Variants in POU2F3 observed in about 807,000 individuals in gnomAD.
POU2F3 encodes POU domain, class 2, transcription factor 3.
POU2F3 carries 23 observed loss-of-function variants against 59.2 expected under a neutral mutation model. That is an observed-to-expected ratio of 0.39 (90% confidence interval 0.28 to 0.55). POU2F3 has a LOEUF of 0.55. Among genes scored for constraint, POU2F3 ranks in the 20% least tolerant of loss-of-function variants. The pLI, the probability that POU2F3 is intolerant of heterozygous loss-of-function variation, is 0.66. For synonymous variants in POU2F3, 190 were observed against 214.6 expected (o/e 0.89, Z 1.00); for missense variants, 473 against 544.5 (o/e 0.87, Z 1.31).
At chr11:120,289,655 G>A (rs999857607) in intron 3 of POU2F3, among the ~76,000 whole-genome samples, 6 of 151,976 alleles carry the variant, frequency 3.9e-5, no homozygotes, top group African/African-American at 1.5e-4. Flanking sequence ...GGACAGAGCC[G>A]CTTCTTCCAC....
chr11:120,242,189 G>T (rs189163432), intron 1 of POU2F3, among the ~76,000 whole-genome samples: 39 of 152,328 alleles, frequency 2.6e-4, no homozygotes, highest in South Asian at 2.1e-4. Context: ...CCTCTGTAGT[G>T]TCTGAGGGTT....
intron 3 of POU2F3, among the ~76,000 whole-genome samples, chr11:120,276,462 C>G (rs1445572635): frequency 3.3e-5 from 5 of 151,940 alleles, no homozygotes; most frequent in Non-Finnish European, 5.9e-5. Flanking sequence ...AGGATGAGAA[C>G]TGAGGGCTGA....
chr11:120,276,796 A>G (rs1399494277), intron 3 of POU2F3, among the ~76,000 whole-genome samples: 1 of 152,154 alleles, frequency 6.6e-6, no homozygotes, highest in Non-Finnish European at 1.5e-5. Context: ...CTAAGACCTC[A>G]CTGCAGAATT....
In POU2F3 at chr11:120,253,427, T is replaced by G. The variant is rs141741330; in HGVS notation, c.97+6910T>G. Among the ~76,000 whole-genome samples the G allele has an allele frequency of 6.3e-3, 963 of 152,150 alleles. 12 individuals carry two copies. The highest frequency in any genetic ancestry group is 0.022 in the African/African-American group (900 of 41,500). On this transcript the variant is annotated intron_variant, in intron 2 of 12. Transcript: ENST00000543440. ...GGCATGTGCCACCATGCCTGGCTAA[T>G]TTTTGTATTTTTAGTGGAGACGGAG... is the stretch of plus-strand genomic sequence containing the variant.
chr11:120,291,994 G>T (rs1011050005), intron 3 of POU2F3, among the ~76,000 whole-genome samples: 2 of 152,022 alleles, frequency 1.3e-5, no homozygotes, highest in South Asian at 4.2e-4. Flanking sequence ...ATTTTTAGTA[G>T]AGATGGGGTT....
At chr11:120,294,968 T>C (rs1941149493) in intron 3 of POU2F3, among the ~76,000 whole-genome samples, 1 of 152,042 alleles carries the variant, frequency 6.6e-6, no homozygotes, top group Non-Finnish European at 1.5e-5. Context: ...AAATAAAAAT[T>C]ATAAAAGAGT....
intron 2 of POU2F3, among the ~76,000 whole-genome samples, chr11:120,262,062 C>T (rs1171279875): frequency 6.6e-6 from 1 of 152,226 alleles, no homozygotes; most frequent in African/African-American, 2.4e-5. Context: ...GCTAAGCCTG[C>T]TTCACTTCCA....
intron 2 of POU2F3, among the ~76,000 whole-genome samples, chr11:120,259,631 C>G (rs1445844275): frequency 1.3e-5 from 2 of 152,188 alleles, no homozygotes; most frequent in Non-Finnish European, 2.9e-5. Flanking sequence ...TGCTTTCAGG[C>G]TTCTCCTGGA....
chr11:120,293,255 G>A (rs1440355928), intron 3 of POU2F3, among the ~76,000 whole-genome samples: 4 of 152,136 alleles, frequency 2.6e-5, no homozygotes, highest in Non-Finnish European at 5.9e-5. Context: ...GCACTTCCTA[G>A]AGGCATCTGA....
At chr11:120,236,675 T>C (rs759399705), upstream of POU2F3, 102 of 1,503,732 alleles carry the variant, frequency 6.8e-5, no homozygotes, top group Non-Finnish European at 8.3e-5. Context: ...ACCGGTTTCA[T>C]GGAGTCTCCA....
At chr11:120,278,758 C>T (rs1940439801) in intron 3 of POU2F3, among the ~76,000 whole-genome samples, 1 of 152,106 alleles carries the variant, frequency 6.6e-6, no homozygotes, top group Non-Finnish European at 1.5e-5. Context: ...ACACAAGGGC[C>T]TGTCAGGGGG....
chr11:120,255,428 G>A (rs192503256), intron 2 of POU2F3, among the ~76,000 whole-genome samples: 4 of 152,190 alleles, frequency 2.6e-5, no homozygotes, highest in East Asian at 3.9e-4. Context: ...GGGTCTCGGC[G>A]CCCAATTTGC....
intron 2 of POU2F3, among the ~76,000 whole-genome samples, chr11:120,268,811 T>A (rs536432272): frequency 6.6e-6 from 1 of 152,294 alleles, no homozygotes; most frequent in Non-Finnish European, 1.5e-5. Context: ...AGGGAGTCCT[T>A]TGGGATCCAT....
chr11:120,309,260 A>C (rs1941589381), intron 9 of POU2F3, among the ~76,000 whole-genome samples, 165 bp from the exon 10 acceptor site: 1 of 152,182 alleles, frequency 6.6e-6, no homozygotes, highest in South Asian at 2.1e-4. Flanking sequence ...AAGGTTAAGA[A>C]AGTTTTGTAA....
rs187359452 is a variant in POU2F3, at chr11:120,292,355, A to G, written c.133-5910A>G. Among the ~76,000 whole-genome samples, 99 of 145,618 alleles carry G rather than the reference A, an allele frequency of 6.8e-4. 3 individuals carry two copies. The East Asian group carries it at 0.017, about 26-fold the overall frequency. On this transcript the variant is annotated intron_variant, in intron 3 of 12. Transcript: ENST00000543440. The stretch of plus-strand genomic sequence containing the variant: ...AAGCAGCCCAGGGATATGTTAAAAA[A>G]CAAAAAAAACAAAAACAAAAACAAA...
intron 3 of POU2F3, among the ~76,000 whole-genome samples, chr11:120,272,801 C>T (rs998816477): frequency 6.6e-6 from 1 of 152,194 alleles, no homozygotes; most frequent in Admixed American, 6.5e-5. Context: ...ATAAGATAGA[C>T]TTGAGAGGCA....
At chr11:120,241,234 A>G (rs1938649409) in intron 1 of POU2F3, among the ~76,000 whole-genome samples, 1 of 152,206 alleles carries the variant, frequency 6.6e-6, no homozygotes, top group Non-Finnish European at 1.5e-5. Flanking sequence ...TAACCTAGCA[A>G]CTTACTCTCA....
intron 2 of POU2F3, among the ~76,000 whole-genome samples, chr11:120,258,002 G>A (rs1939419893): frequency 1.3e-5 from 2 of 152,182 alleles, no homozygotes; most frequent in African/African-American, 2.4e-5. Context: ...TGTATTGTGA[G>A]GAATGAATGA....
chr11:120,246,625 C>A, intron 2 of POU2F3, 108 bp downstream of exon 2: 1 of 1,184,284 alleles, frequency 8.4e-7, no homozygotes, highest in East Asian at 2.4e-5. Flanking sequence ...CCAACCAGAC[C>A]CCAAAGCTAG....
Sources: gnomAD v4.1 joint callset for allele counts (sites outside exome capture counted in the v4.1 genomes callset) on GRCh38, gnomAD v4.1.1 for gene constraint, MANE v1.5 for transcripts, NCBI Gene and HGNC (gene_info 2026-07-23, HGNC 2026-07-21) for gene names.